The following DLEU7 variants were observed in gnomAD, a reference collection of about 807,000 sequenced individuals.
The protein encoded by DLEU7 is leukemia-associated protein 7.
A neutral mutation model predicts 16.0 loss-of-function variants in DLEU7; 17 were observed. The ratio of observed to expected loss-of-function variants is 1.06; its 90% CI spans 0.73 to 1.59. The LOEUF (loss-of-function observed/expected upper bound fraction) is 1.59. Among genes scored for constraint, DLEU7 ranks in the 40% most tolerant of loss-of-function variants. The pLI is 0.00. For synonymous variants in DLEU7, 113 were observed against 139.8 expected (o/e 0.81, Z 1.35); for missense variants, 308 against 314.9 (o/e 0.98, Z 0.17).
At chr13:50,763,281 C>T (rs1406644025) in intron 1 of DLEU7, among the ~76,000 whole-genome samples, 1 of 152,104 alleles carries the variant, frequency 6.6e-6, no homozygotes, top group South Asian at 2.1e-4. Flanking sequence ...GAACCACTAA[C>T]AAATGTTAAG....
At chr13:50,773,051 A>ATTGATT (rs1385244813) in intron 1 of DLEU7, among the ~76,000 whole-genome samples, 10 of 152,148 alleles carry the variant, frequency 6.6e-5, no homozygotes, top group Middle Eastern at 6.8e-3. Flanking sequence ...CTTCCACTTG[A>ATTGATT]TCGAATCAGA....
chr13:50,711,234 A>G (rs1873276381), downstream of DLEU7: 1 of 152,208 alleles, frequency 6.6e-6, no homozygotes, highest in Non-Finnish European at 1.5e-5. Context: ...AATTTGGCCA[A>G]TTAAACCAGA....
chr13:50,782,748 C>T (rs919765939), intron 1 of DLEU7, among the ~76,000 whole-genome samples: 1 of 150,522 alleles, frequency 6.6e-6, no homozygotes, highest in African/African-American at 2.5e-5. Flanking sequence ...AATGTGAATT[C>T]CCACCCATCA....
At chr13:50,756,765 T>A (rs934565692) in intron 1 of DLEU7, among the ~76,000 whole-genome samples, 1 of 152,144 alleles carries the variant, frequency 6.6e-6, no homozygotes, top group African/African-American at 2.4e-5. Flanking sequence ...TTTTTCAAAT[T>A]TCAGCTGGAG....
At chr13:50,812,020 A>G (rs1876583879) in intron 1 of DLEU7, among the ~76,000 whole-genome samples, 1 of 149,772 alleles carries the variant, frequency 6.7e-6, no homozygotes, top group South Asian at 2.1e-4. Flanking sequence ...CAGTGAGCCA[A>G]GATCATACCA....
intron 1 of DLEU7, among the ~76,000 whole-genome samples, chr13:50,721,452 C>T (rs1012123202): frequency 2.0e-5 from 3 of 151,466 alleles, no homozygotes; most frequent in Admixed American, 2.0e-4. Context: ...TCTAGAGAAC[C>T]CTGACTAATA....
At chr13:50,833,182 T>C (rs1304931372) in intron 1 of DLEU7, among the ~76,000 whole-genome samples, 1 of 152,196 alleles carries the variant, frequency 6.6e-6, no homozygotes, top group Non-Finnish European at 1.5e-5. Flanking sequence ...AACATAGTAT[T>C]GGAAGTTCTG....
At chr13:50,841,776 A>G (rs1877670241) in intron 1 of DLEU7, among the ~76,000 whole-genome samples, 1 of 152,022 alleles carries the variant, frequency 6.6e-6, no homozygotes, top group African/African-American at 2.4e-5. Context: ...TTAGCATGTA[A>G]CTTATAATCA....
In DLEU7 at chr13:50,726,758, G is replaced by T. The variant is rs1207455868; in HGVS notation, c.460-13518C>A. Among the ~76,000 whole-genome samples, 1 of 152,066 alleles carries T rather than the reference G, an allele frequency of 6.6e-6. No individual in the cohort carries two copies. Among genetic ancestry groups the T allele is most frequent in the Non-Finnish European group, 1.5e-5 (1 of 68,014 alleles). ...GTCTAGGTGGCAGTTTCTAATTAGG[G>T]CTGTGACCTTGACCATGCCCCCTAC... is the stretch of plus-strand genomic sequence containing the variant. On this transcript the variant is annotated intron_variant, in intron 1 of 1. Coordinates refer to the DLEU7 transcript ENST00000400393. This position sits in a 1 kb window ranked among gnomAD's most constrained non-coding sequence, Gnocchi z 4.0.
At chr13:50,805,963 T>G (rs1876379541) in intron 1 of DLEU7, among the ~76,000 whole-genome samples, 1 of 152,156 alleles carries the variant, frequency 6.6e-6, no homozygotes, top group African/African-American at 2.4e-5. Flanking sequence ...TTCTAAAATA[T>G]TTACTATTTG....
intron 1 of DLEU7, among the ~76,000 whole-genome samples, chr13:50,733,407 A>G (rs556056906): frequency 5.9e-5 from 9 of 152,304 alleles, no homozygotes; most frequent in African/African-American, 2.2e-4. Flanking sequence ...ATACTCTTTC[A>G]GTATTCAGCA....
chr13:50,831,850 G>A (rs1220497841), intron 1 of DLEU7, among the ~76,000 whole-genome samples: 1 of 152,144 alleles, frequency 6.6e-6, no homozygotes, highest in African/African-American at 2.4e-5. Flanking sequence ...TGATCGTGGT[G>A]GGTAAACTTT....
intron 1 of DLEU7, among the ~76,000 whole-genome samples, chr13:50,817,382 C>T (rs1167618548): frequency 2.6e-5 from 4 of 152,152 alleles, no homozygotes; most frequent in Admixed American, 6.6e-5. Context: ...TCTCTGGTAA[C>T]ACATACTAGG....
At chr13:50,798,587 G>A (rs568060993) in intron 1 of DLEU7, among the ~76,000 whole-genome samples, 2 of 152,230 alleles carry the variant, frequency 1.3e-5, no homozygotes, top group African/African-American at 4.8e-5. Flanking sequence ...TGTCCAGCCT[G>A]GGGACTCTTT....
intron 1 of DLEU7, among the ~76,000 whole-genome samples, chr13:50,831,935 C>G (rs1566267515): frequency 6.6e-6 from 1 of 152,056 alleles, no homozygotes; most frequent in Non-Finnish European, 1.5e-5. Flanking sequence ...GGGATATTGG[C>G]CTGAAATTTT....
At chr13:50,788,017 G>A (rs753693453) in intron 1 of DLEU7, among the ~76,000 whole-genome samples, 14 of 151,984 alleles carry the variant, frequency 9.2e-5, no homozygotes, top group Admixed American at 2.6e-4. Flanking sequence ...AGCTCTGTTC[G>A]TGGCACAGCA....
intron 1 of DLEU7, among the ~76,000 whole-genome samples, chr13:50,792,924 AATTAT>A (rs1876005525): frequency 6.6e-6 from 1 of 151,758 alleles, no homozygotes; most frequent in Non-Finnish European, 1.5e-5. Flanking sequence ...TTTCGTTACA[AATTAT>A]ATTGTGTGAT....
intron 1 of DLEU7, among the ~76,000 whole-genome samples, chr13:50,747,742 C>T (rs1393325672): frequency 6.6e-6 from 1 of 152,182 alleles, no homozygotes; most frequent in African/African-American, 2.4e-5. Context: ...GAGTTATAAA[C>T]TTTGACTTAT....
chr13:50,712,644 A>G (rs781486981), exon 2 of DLEU7: 1 of 152,784 alleles, frequency 6.5e-6, no homozygotes, highest in Non-Finnish European at 1.5e-5. Flanking sequence ...CTGGCTTTGC[A>G]CTGAAGAACT....
Sources: allele counts gnomAD v4.1 joint callset (sites outside exome capture counted in the v4.1 genomes callset), GRCh38; gene constraint gnomAD v4.1.1; non-coding constraint Gnocchi (gnomAD v3.1); transcripts MANE v1.5; gene names NCBI Gene and HGNC (gene_info 2026-07-23, HGNC 2026-07-21).